Variants in GFAP observed in about 807,000 individuals in gnomAD.
GFAP encodes the protein intermediate filament protein.
A neutral mutation model predicts 49.3 loss-of-function variants in GFAP; 38 were observed. That is an observed-to-expected ratio of 0.77 (90% CI 0.60 to 1.01). The LOEUF (loss-of-function observed/expected upper bound fraction) is 1.01, where lower values mean the gene tolerates loss of function less well. Among genes scored for constraint, GFAP ranks in the 50% least tolerant of loss-of-function variants. GFAP has a pLI of 0.00. For missense variants in GFAP, 463 were observed against 579.1 expected (o/e 0.80, Z 2.06); for synonymous variants, 222 against 236.4 (o/e 0.94, Z 0.56).
At chr17:44,914,778 C>T in intron 1 of GFAP, 1 of 570,576 alleles carries the variant, frequency 1.8e-6, no homozygotes, top group Non-Finnish European at 3.1e-6. Context: ...ACTGCTTTCC[C>T]CAGTAGGGAG....
chr17:44,903,428 T>TG lies in GFAP; in HGVS notation c.*3918dup. 2 of 1,252,282 alleles carry TG rather than the reference T, an allele frequency of 1.6e-6. No individual in the cohort carries two copies. The highest frequency in any genetic ancestry group is 3.7e-5 in the South Asian group (1 of 26,876). 77.6% of individuals were successfully genotyped at this position (1,252,282 alleles called of 1,614,324 possible). On this transcript the variant is annotated 3_prime_UTR_variant, in exon 9 of 9. Coordinates refer to ENST00000588735, the MANE Select transcript of GFAP (RefSeq NM_002055.5). ...GGGTTTCCTTCATCCCCCAGGTTGA[T>TG]GAAAGACTTTTCCACCAGGCTGGCA...
chr17:44,915,009 C>A lies in GFAP; in HGVS notation c.461+17G>T. ...CCCTTCTGCTCACAAGGCCCCCCTT[C>A]CCCATCCCCTCCTCACTTCTGCCTC... is the stretch of plus-strand genomic sequence containing the variant. On this transcript the variant is annotated intron_variant, in intron 1 of 8. Transcript: ENST00000588735. The surrounding 1 kb of genome is among the most constrained non-coding windows in gnomAD (Gnocchi z 4.1). The A allele has an allele frequency of 5.0e-6, 8 of 1,600,450 alleles. No homozygotes were observed. Among genetic ancestry groups the A allele is most frequent in the Non-Finnish European group, 6.8e-6 (8 of 1,173,874 alleles).
At chr17:44,914,921 AG>A in intron 1 of GFAP, 104 bp downstream of exon 1, 3 of 964,610 alleles carry the variant, frequency 3.1e-6, no homozygotes, top group East Asian at 5.1e-5. Flanking sequence ...AGGGAGGCCC[AG>A]GGAGCAGGGA....
In GFAP at chr17:44,903,683, C is replaced by T; in HGVS notation, c.*3664G>A. 2 of 1,436,196 alleles carry T rather than the reference C, an allele frequency of 1.4e-6. No individual in the cohort carries two copies. Among genetic ancestry groups the T allele is most frequent in the Non-Finnish European group, 1.8e-6 (2 of 1,100,986 alleles). The allele number at this position is 1,436,196 out of a possible 1,614,324, so 89.0% of individuals were successfully genotyped here. On this transcript the variant is annotated 3_prime_UTR_variant, in exon 9 of 9. Transcript: ENST00000588735. ...GAATAAATTGCCTTGCACTTGGCGG[C>T]TTCCTCTGCAGATTGTTGCTGCTTT... is the stretch of plus-strand genomic sequence containing the variant.
rs1039467227 is a variant in GFAP, at chr17:44,905,538, T to C, written c.*1809A>G. Reference sequence around the variant, plus strand: ...TTGGTGAGGGCATGGGCCCCAGAGATGATCAGTAATAAGAAATGAGTTGGT... The same window carrying C: ...TTGGTGAGGGCATGGGCCCCAGAGACGATCAGTAATAAGAAATGAGTTGGT... On this transcript the variant is annotated 3_prime_UTR_variant, in exon 9 of 9. Coordinates refer to ENST00000588735, the MANE Select transcript of GFAP (RefSeq NM_002055.5). 1.2e-5 allele frequency: 2 copies of C among 169,432 alleles called. No homozygotes were observed. Among genetic ancestry groups the C allele is most frequent in the African/African-American group, 4.8e-5 (2 of 41,610 alleles). 10.5% of individuals were successfully genotyped at this position (169,432 alleles called of 1,614,324 possible). A position where few individuals can be genotyped will look rare whatever the true frequency, so the allele number is the denominator to read the frequency against.
chr17:44,914,008 C>G lies in GFAP; in HGVS notation c.522+20G>C. On this transcript the variant is annotated intron_variant, in intron 2 of 8. Transcript: ENST00000588735. ...CAATCCTTTCCTCCCTCCCCTGCCC[C>G]TCCCCTCCACCTCCCTGACCTGTCT... 1 of 1,531,316 alleles carries G rather than the reference C, an allele frequency of 6.5e-7. No homozygotes were observed. The allele number at this position is 1,531,316 out of a possible 1,614,324, so 94.9% of individuals were successfully genotyped here.
rs765026945 is a variant in GFAP at position 44,911,700 on chromosome 17, G to A, written c.878C>T (p.Thr293Ile). Residue 293 changes from threonine to isoleucine, a missense_variant, in exon 5 of 9, where the codon ACC (threonine) becomes ATC (isoleucine). Thr to Ile is a moderately conservative substitution (Grantham distance 89). Transcript: ENST00000588735. ...GCCGCGCAGAGACTCCAGGTCGCAG[G>A]TCAAGGACTGCAACTGGCGCCGGTA... ...NDYRRQLQSL[T>I]CDLESLRGTN... 3 of 1,613,676 alleles carry A rather than the reference G, an allele frequency of 1.9e-6. No homozygotes were observed. The highest frequency in any genetic ancestry group is 2.5e-6 in the Non-Finnish European group (3 of 1,180,000).
rs758746145 is a variant in GFAP at position 44,911,462 on chromosome 17, G to A, written c.907-6C>T. The A allele has an allele frequency of 3.5e-5, 56 of 1,598,128 alleles. No homozygotes were observed. The highest frequency in any genetic ancestry group is 4.6e-5 in the Non-Finnish European group (54 of 1,172,934). Reference sequence around the variant, plus strand: ...TGCCTCTCCAGGGACTCGTTCTGTGGGATGGAGCCGGCCGGTCCCGCGGAG... The same window carrying A: ...TGCCTCTCCAGGGACTCGTTCTGTGAGATGGAGCCGGCCGGTCCCGCGGAG... On this transcript the variant is annotated splice_region_variant and splice_polypyrimidine_tract_variant and intron_variant, in intron 5 of 8. Coordinates refer to ENST00000588735, the MANE Select transcript of GFAP (RefSeq NM_002055.5).
In GFAP at chr17:44,908,073, C is replaced by G. The variant is rs770052710; in HGVS notation, c.1248G>C (p.Arg416=). ...CCAAATCCCTCCTTACCTCTCCATCCCGCATCTCCACGGTCTTCACCACGA... is the reference window on the plus strand; with the variant it reads ...CCAAATCCCTCCTTACCTCTCCATCGCGCATCTCCACGGTCTTCACCACGA... ...RNIVVKTVEM[R]DGEVIKESKQ... Residue 416 remains arginine (R), a synonymous_variant, in exon 8 of 9, where the codon CGG becomes CGC. Transcript: ENST00000588735. 6.2e-7 allele frequency: 1 copy of G among 1,606,124 alleles called. No homozygotes were observed. The highest frequency in any genetic ancestry group is 1.1e-5 in the South Asian group (1 of 90,934).
intron 7 of GFAP, chr17:44,909,016 G>T (rs1332803414): frequency 4.6e-5 from 7 of 151,844 alleles, no homozygotes; most frequent in African/African-American, 7.3e-5. Flanking sequence ...CACGAGAATT[G>T]CTTGAACCTG....
intron 4 of GFAP, 83 bp downstream of exon 4, chr17:44,913,186 C>T: frequency 5.2e-6 from 7 of 1,353,518 alleles, no homozygotes; most frequent in Non-Finnish European, 2.1e-6. Flanking sequence ...CTCCCAGCTT[C>T]CTCCACCCTC....
In GFAP at chr17:44,903,418, C is replaced by T; in HGVS notation, c.*3929G>A. 2.4e-6 allele frequency: 3 copies of T among 1,252,332 alleles called. No individual in the cohort carries two copies. The highest frequency in any genetic ancestry group is 2.0e-6 in the Non-Finnish European group (2 of 1,000,082). 77.6% of individuals were successfully genotyped at this position (1,252,332 alleles called of 1,614,324 possible). ...GCAGGAGGGTGGGTTTCCTTCATCC[C>T]CCAGGTTGATGAAAGACTTTTCCAC... On this transcript the variant is annotated 3_prime_UTR_variant, in exon 9 of 9. Transcript: ENST00000588735.
intron 7 of GFAP, 55 bp from the exon 8 acceptor site, chr17:44,908,204 T>C: frequency 8.0e-7 from 1 of 1,243,052 alleles, no homozygotes; most frequent in Non-Finnish European, 1.2e-6. Flanking sequence ...TGAGCCATCC[T>C]CTCCCATGCC....
chr17:44,914,856 G>A (rs1424986317), intron 1 of GFAP, 170 bp downstream of exon 1: 1 of 642,164 alleles, frequency 1.6e-6, no homozygotes, highest in Non-Finnish European at 2.7e-6. Flanking sequence ...CCCTGGGCCT[G>A]TTTCTGGTCC....
chr17:44,905,020 C>G lies in GFAP; in HGVS notation c.*2327G>C. 1 of 1,550,082 alleles carries G rather than the reference C, an allele frequency of 6.5e-7. No individual in the cohort carries two copies. Among genetic ancestry groups the G allele is most frequent in the Non-Finnish European group, 8.7e-7 (1 of 1,146,272 alleles). On this transcript the variant is annotated 3_prime_UTR_variant, in exon 9 of 9. Coordinates refer to ENST00000588735, the MANE Select transcript of GFAP (RefSeq NM_002055.5). ...CAGCAGTCTTTGTCACCATTCACTT[C>G]TGTCGTTGCTGCTGCTACTTATTTC...
At chr17:44,913,136 T>A in intron 4 of GFAP, 133 bp downstream of exon 4, 1 of 887,702 alleles carries the variant, frequency 1.1e-6, no homozygotes, top group Non-Finnish European at 1.9e-6. Flanking sequence ...GCAAGCCATC[T>A]CACTTCTCTG....
intron 8 of GFAP, 175 bp from the exon 9 acceptor site, chr17:44,907,563 T>C (rs2051672625): frequency 1.5e-6 from 1 of 681,712 alleles, no homozygotes; most frequent in African/African-American, 1.8e-5. Context: ...GAGATAACAC[T>C]GGGAAAGCAT....
chr17:44,911,885 T>C (rs902057640), intron 4 of GFAP, 88 bp from the exon 5 acceptor site: 2 of 1,467,218 alleles, frequency 1.4e-6, no homozygotes, highest in Non-Finnish European at 9.3e-7. Context: ...GCACCCCAGT[T>C]AACCCCAGGA....
intron 7 of GFAP, 67 bp from the exon 8 acceptor site, chr17:44,908,216 G>A (rs759007206): frequency 7.3e-6 from 8 of 1,103,304 alleles, no homozygotes; most frequent in Middle Eastern, 2.0e-4. Flanking sequence ...TCCCATGCCC[G>A]GCTTCCCCAT....
Sources: allele counts gnomAD v4.1 joint callset, GRCh38; gene constraint gnomAD v4.1.1; non-coding constraint Gnocchi (gnomAD v3.1); transcripts MANE v1.5; gene names NCBI Gene and HGNC (gene_info 2026-07-23, HGNC 2026-07-21).